KIF23: variants seen among roughly 807,000 people sequenced by gnomAD.
KIF23 encodes kinesin family member 23, also known as kinesin-like protein KIF23.
KIF23 carries 30 observed loss-of-function variants against 137.5 expected under a neutral mutation model. The observed-to-expected ratio is 0.22, with a 90% CI of 0.16 to 0.30. KIF23 has a LOEUF of 0.30. Among genes scored for constraint, KIF23 ranks in the 10% least tolerant of loss-of-function variants. The probability of loss-of-function intolerance (pLI) is 1.00; values close to 1 mark genes in which losing one functional copy is unlikely to be tolerated. For synonymous variants in KIF23, 367 were observed against 391.1 expected (o/e 0.94, Z 0.73); for missense variants, 920 against 1,194.3 (o/e 0.77, Z 3.38).
intron 14 of KIF23, 76 bp from the exon 15 acceptor site, chr15:69,436,488 A>G: frequency 7.6e-7 from 1 of 1,316,258 alleles, no homozygotes; most frequent in Non-Finnish European, 1.1e-6. Context: ...CTGGGGCTGT[A>G]TGCAGTGTTA....
chr15:69,441,907 T>C (rs2057630068), intron 19 of KIF23, among the ~76,000 whole-genome samples: 1 of 151,934 alleles, frequency 6.6e-6, no homozygotes, highest in South Asian at 2.1e-4. Flanking sequence ...GTAGCTGAGA[T>C]TACGGGCAGG....
At chr15:69,422,497 G>A (rs1458188636) in intron 6 of KIF23, 62 bp downstream of exon 6, 10 of 927,162 alleles carry the variant, frequency 1.1e-5, no homozygotes, top group Non-Finnish European at 1.8e-5. Flanking sequence ...CCTGTGGTTT[G>A]CCCAGACATG....
At chr15:69,437,689 G>C (rs1266503528) in intron 15 of KIF23, among the ~76,000 whole-genome samples, 1 of 151,978 alleles carries the variant, frequency 6.6e-6, no homozygotes, top group Non-Finnish European at 1.5e-5. Context: ...TCAAACTCCT[G>C]ACATCGTGAT....
At chr15:69,422,662 G>T (rs550285429) in intron 6 of KIF23, among the ~76,000 whole-genome samples, 59 of 152,280 alleles carry the variant, frequency 3.9e-4, no homozygotes, top group East Asian at 1.2e-3. Flanking sequence ...TGGGGAGAGG[G>T]TATAAAAGCC....
At chr15:69,420,536 T>C (rs1225024401) in intron 3 of KIF23, among the ~76,000 whole-genome samples, 1 of 152,204 alleles carries the variant, frequency 6.6e-6, no homozygotes, top group Non-Finnish European at 1.5e-5. Flanking sequence ...ATAATTGAAG[T>C]ATTCTTGCTT....
rs1399269433 is a variant in KIF23, at chr15:69,447,773, G to A, written c.2910-19G>A. On this transcript the variant is annotated intron_variant, in intron 23 of 23. Coordinates refer to ENST00000679126, the MANE Select transcript of KIF23 (RefSeq NM_001367805.3). ...CTAATTGCAAAGTTCAACTCTAAGT[G>A]CTGGTTGTTATGTTTTAGGCGCAAA... 2.5e-6 allele frequency: 4 copies of A among 1,600,876 alleles called. No homozygotes were observed. The highest frequency in any genetic ancestry group is 3.4e-6 in the Non-Finnish European group (4 of 1,171,134).
intron 11 of KIF23, among the ~76,000 whole-genome samples, chr15:69,434,087 A>G (rs1348400712): frequency 6.6e-6 from 1 of 152,224 alleles, no homozygotes; most frequent in Admixed American, 6.5e-5. Context: ...ACCAAATCCA[A>G]GGAAATTTGG....
chr15:69,423,270 A>G lies in KIF23; in HGVS notation c.675A>G (p.Ile225Met), dbSNP rs2057108238. Residue 225 changes from isoleucine to methionine, a missense_variant, in exon 7 of 24, where the codon ATA becomes ATG. Around this residue, in one of 4 missense-constraint regions of KIF23, gnomAD observed 714 missense variants for 866.2 expected, o/e 0.82. Transcript: ENST00000679126. ...GTGTATTTGTCTCTTATATTGAAAT[A>G]TATAATAATTACATATATGATCTAT... ...VYGVFVSYIE[I>M]YNNYIYDLLE... is the part of the protein sequence containing the mutation. The G allele has an allele frequency of 1.3e-6, 2 of 1,588,030 alleles. No homozygotes were observed. The highest frequency in any genetic ancestry group is 4.5e-5 in the East Asian group (2 of 44,288).
chr15:69,428,382 G>A (rs751051681), intron 10 of KIF23, among the ~76,000 whole-genome samples: 8 of 151,746 alleles, frequency 5.3e-5, no homozygotes, highest in African/African-American at 7.3e-5. Flanking sequence ...TTTGCTGGGC[G>A]TGGTGGCTCA....
In KIF23 at chr15:69,436,170, A is replaced by T. The variant is rs1181420888; in HGVS notation, c.1347A>T (p.Glu449Asp). 6.2e-7 allele frequency: 1 copy of T among 1,613,914 alleles called. No homozygotes were observed. Among genetic ancestry groups the T allele is most frequent in the Non-Finnish European group, 8.5e-7 (1 of 1,179,942 alleles). Reference protein sequence around the residue: ...QVMRFAEVTQEVEVARPVDKA... With the variant: ...QVMRFAEVTQDVEVARPVDKA... ...TGAGATTTGCGGAAGTGACTCAAGAAGTTGAAGTAGCAAGACCTGTAGACA... is the reference window on the plus strand; with the variant it reads ...TGAGATTTGCGGAAGTGACTCAAGATGTTGAAGTAGCAAGACCTGTAGACA... The change falls in exon 14 of 24, where the codon GAA (glutamate) becomes GAT (aspartate). Residue 449 changes from glutamate (E) to aspartate (D), a missense_variant. Coordinates refer to ENST00000679126, the MANE Select transcript of KIF23 (RefSeq NM_001367805.3).
chr15:69,424,191 C>CTTG (rs1567061681), intron 7 of KIF23, among the ~76,000 whole-genome samples: 1 of 152,174 alleles, frequency 6.6e-6, no homozygotes, highest in Non-Finnish European at 1.5e-5. Flanking sequence ...TGAGGCCATA[C>CTTG]TTGATACAAG....
chr15:69,434,831 A>C, intron 11 of KIF23: 2 of 920,148 alleles, frequency 2.2e-6, no homozygotes, highest in Non-Finnish European at 3.5e-6. Context: ...CCCTGGCAGT[A>C]ATGTCCAGGC....
In KIF23 at chr15:69,436,147, A is replaced by G; in HGVS notation, c.1324A>G (p.Arg442Gly). The change falls in exon 14 of 24, where the codon AGA (arginine) becomes GGA (glycine). Residue 442 changes from arginine (R) to glycine (G), a missense_variant. Arg to Gly is a moderately radical substitution (Grantham distance 125, BLOSUM62 -2). Around this residue, in one of 4 missense-constraint regions of KIF23, gnomAD observed 714 missense variants for 866.2 expected, o/e 0.82. Coordinates refer to ENST00000679126, the MANE Select transcript of KIF23 (RefSeq NM_001367805.3). ...TTGTTTTGTGTTTTAGCAAGTCATG[A>G]GATTTGCGGAAGTGACTCAAGAAGT... ...EDYEENLQVM[R>G]FAEVTQEVEV... The G allele has an allele frequency of 6.2e-7, 1 of 1,613,040 alleles. No homozygotes were observed. The highest frequency in any genetic ancestry group is 8.5e-7 in the Non-Finnish European group (1 of 1,179,696).
rs531838731 is a variant in KIF23, at chr15:69,441,105, A to G, written c.2421+26A>G. 5.9e-5 allele frequency: 91 copies of G among 1,543,784 alleles called. No homozygotes were observed. The South Asian group carries it at 1.0e-3, about 17-fold the overall frequency. On this transcript the variant is annotated intron_variant, in intron 19 of 23. Coordinates refer to ENST00000679126, the MANE Select transcript of KIF23 (RefSeq NM_001367805.3). The stretch of plus-strand genomic sequence containing the variant: ...GTTAGTGCCAGTATTATTTTAACGC[A>G]TTGTAGCAATAGATTTTATCTTCTT...
chr15:69,424,294 A>C (rs2057134347), intron 7 of KIF23, among the ~76,000 whole-genome samples: 1 of 152,218 alleles, frequency 6.6e-6, no homozygotes, highest in Admixed American at 6.5e-5. Flanking sequence ...AAACAATTAC[A>C]ATATGGCTAA....
intron 22 of KIF23, 112 bp from the exon 23 acceptor site, chr15:69,446,759 T>A (rs2057748405): frequency 1.0e-6 from 1 of 955,066 alleles, no homozygotes; most frequent in Non-Finnish European, 1.7e-6. Flanking sequence ...GAGTCTTTGC[T>A]GAACTAGAAA....
At chr15:69,422,272 A>G in intron 5 of KIF23, 54 bp from the exon 6 acceptor site, 1 of 1,459,980 alleles carries the variant, frequency 6.8e-7, no homozygotes, top group Middle Eastern at 1.8e-4. Flanking sequence ...CTTACTATTT[A>G]AGTTAAATTC....
At chr15:69,435,897 C>T in intron 13 of KIF23, 126 bp downstream of exon 13, 1 of 1,344,648 alleles carries the variant, frequency 7.4e-7, no homozygotes, top group Non-Finnish European at 1.0e-6. Flanking sequence ...TAGAAGTAAA[C>T]TAGGCTTGGT....
chr15:69,424,259 T>G (rs945739698), intron 7 of KIF23, among the ~76,000 whole-genome samples: 1 of 152,212 alleles, frequency 6.6e-6, no homozygotes, highest in Non-Finnish European at 1.5e-5. Context: ...CCAGAGTCCT[T>G]GAATTTTCAT....
Sources: gnomAD v4.1 joint callset for allele counts (sites outside exome capture counted in the v4.1 genomes callset) on GRCh38, gnomAD v4.1.1 for gene constraint, gnomAD v4.1.1 regional missense constraint, MANE v1.5 for transcripts, NCBI Gene and HGNC (gene_info 2026-07-23, HGNC 2026-07-21) for gene names.